Variants in ZNF18 observed in about 807,000 individuals in gnomAD.
ZNF18 encodes the protein heart development-specific gene 1 protein.
ZNF18 carries 42 observed loss-of-function variants against 58.1 expected under a neutral mutation model. The observed-to-expected ratio is 0.72, with a 90% confidence interval of 0.56 to 0.93. The LOEUF (loss-of-function observed/expected upper bound fraction) is 0.93, where lower values mean the gene tolerates loss of function less well. ZNF18 is among the 40% of genes least tolerant of loss of function. The pLI is 0.00. For missense variants in ZNF18, 540 were observed against 644.2 expected (o/e 0.84, Z 1.75); for synonymous variants, 231 against 239.8 (o/e 0.96, Z 0.34).
upstream of ZNF18, among the ~76,000 whole-genome samples, chr17:12,000,218 C>T (rs754078764): frequency 1.4e-4 from 21 of 152,040 alleles, no homozygotes; most frequent in Non-Finnish European, 2.4e-4. Context: ...ACCAGGCCCA[C>T]CCATAAACGT....
At chr17:12,000,792 T>C (rs911368836), upstream of ZNF18, among the ~76,000 whole-genome samples, 1 of 152,106 alleles carries the variant, frequency 6.6e-6, no homozygotes, top group African/African-American at 2.4e-5. Context: ...GGATTAAGAA[T>C]TGACTGAGCA....
Position 11,992,156 on chromosome 17 carries a change from C to T in ZNF18, c.387+287G>A, listed in dbSNP as rs1968167994. Among the ~76,000 whole-genome samples, 4 of 152,156 alleles carry T rather than the reference C, an allele frequency of 2.6e-5. No individual in the cohort carries two copies. In the South Asian group the frequency reaches 8.3e-4, roughly 31 times the overall value. On this transcript the variant is annotated intron_variant, in intron 2 of 6. Transcript: ENST00000580306. ...AACTTGAAGAGAAGACTGTGGGAAC[C>T]TCCGAATTTATAGCCAATTTGTCAG...
intron 6 of ZNF18, among the ~76,000 whole-genome samples, chr17:11,980,878 A>G (rs1332250522): frequency 1.3e-5 from 2 of 152,180 alleles, no homozygotes; most frequent in Non-Finnish European, 2.9e-5. Flanking sequence ...ACATTCATGA[A>G]ACATTCTTCT....
In ZNF18 at chr17:11,990,996, T is replaced by C; in HGVS notation, c.555A>G (p.Glu185=). ...CACCTAGTTCTGCTTCTGTGTCAGA[T>C]TCCTCTTTCACGATGTGGCTCAGAA... The part of the protein sequence containing the change: ...GELLSHIVKE[E]SDTEAELALA... The change falls in exon 3 of 7, where the codon GAA becomes GAG. Residue 185 remains glutamate (E), a synonymous_variant. Transcript: ENST00000580306. The C allele has an allele frequency of 6.2e-7, 1 of 1,614,078 alleles. No homozygotes were observed. The highest frequency in any genetic ancestry group is 8.5e-7 in the Non-Finnish European group (1 of 1,179,988).
At chr17:12,021,031 GC>G in the ZNF18 span, 1 of 1,174,930 alleles carries the variant, frequency 8.5e-7, no homozygotes. Context: ...CGAGATCCCA[GC>G]CCCCTAGCGC....
At chr17:11,991,536 A>T (rs1347779606) in intron 2 of ZNF18, among the ~76,000 whole-genome samples, 1 of 152,318 alleles carries the variant, frequency 6.6e-6, no homozygotes, top group East Asian at 1.9e-4. Context: ...AGAGTCAGAG[A>T]GTGTTAGAAT....
Position 11,984,152 on chromosome 17 carries a change from C to T in ZNF18, c.712G>A (p.Asp238Asn). The change falls in exon 5 of 7, where the codon GAT (aspartate) becomes AAT (asparagine). Residue 238 changes from aspartate to asparagine, a missense_variant. Physicochemically the swap from Asp to Asn is conservative, Grantham distance 23 (BLOSUM62 1). Transcript: ENST00000580306. ...TTCCCATAGGTCTCCAGCATGAGAT[C>T]CCAGTATTGCTCCTTTTGAGTGGAA... ...LDSTQKEQYW[D>N]LMLETYGKMV... 6.2e-7 allele frequency: 1 copy of T among 1,613,266 alleles called. No homozygotes were observed.
At chr17:11,992,116 TCTAA>T (rs528780501) in intron 2 of ZNF18, among the ~76,000 whole-genome samples, 59 of 152,286 alleles carry the variant, frequency 3.9e-4, no homozygotes, top group African/African-American at 1.4e-3. Flanking sequence ...TGTAAGTCAT[TCTAA>T]CTAATTATCA....
the ZNF18 span, among the ~76,000 whole-genome samples, chr17:12,014,565 A>G: frequency 6.6e-6 from 1 of 152,244 alleles, no homozygotes; most frequent in East Asian, 1.9e-4. Context: ...GTATGATTCC[A>G]TTTGTATGAA....
In ZNF18 at chr17:11,981,530, C is replaced by CT. The variant is rs34496641; in HGVS notation, c.862+1766dup. The stretch of plus-strand genomic sequence containing the variant: ...TTGTAGAGACAGGAACCTATAATAG[C>CT]TTTTTTTTTTTTTTTTTTTGCCTAT... On this transcript the variant is annotated intron_variant, in intron 6 of 6. Coordinates refer to ENST00000580306, the MANE Select transcript of ZNF18 (RefSeq NM_001303281.2). Among the ~76,000 whole-genome samples, 223 of 93,466 alleles carry CT rather than the reference C, an allele frequency of 2.4e-3. 4 individuals carry two copies. The East Asian group carries it at 0.027, about 11-fold the overall frequency. The allele number at this position is 93,466 out of a possible 152,430, so 61.3% of individuals were successfully genotyped here.
rs536097859 is a variant in ZNF18, at chr17:11,994,721, A to C, written c.-82-1810T>G. ...CCAGGCGTGGTGGCGGGCGCCTGTG[A>C]TCCCAGCTACTCGGGAGGCTGAGGC... is the stretch of plus-strand genomic sequence containing the variant. On this transcript the variant is annotated intron_variant, in intron 1 of 6. Coordinates refer to ENST00000580306, the MANE Select transcript of ZNF18 (RefSeq NM_001303281.2). 2.6e-5 allele frequency among the ~76,000 whole-genome samples: 4 copies of C among 152,174 alleles called. No homozygotes were observed. The South Asian group carries it at 8.3e-4, about 32-fold the overall frequency.
rs991153891 is a variant in ZNF18, at chr17:11,977,694, C to A, written c.*263G>T. 1 of 367,092 alleles carries A rather than the reference C, an allele frequency of 2.7e-6. No individual in the cohort carries two copies. 22.7% of individuals were successfully genotyped at this position (367,092 alleles called of 1,614,324 possible). On this transcript the variant is annotated 3_prime_UTR_variant, in exon 7 of 7. Coordinates refer to ENST00000580306, the MANE Select transcript of ZNF18 (RefSeq NM_001303281.2). ...ACTGGATCTCCAATTTAGACTTTTT[C>A]CCCGATGGGTCCAAAGGAAGGATGA...
upstream of ZNF18, among the ~76,000 whole-genome samples, chr17:12,001,832 AAAAT>A (rs1419184154): frequency 6.6e-6 from 1 of 152,096 alleles, no homozygotes; most frequent in African/African-American, 2.4e-5. Context: ...ATTAAAACTA[AAAAT>A]AAATTTTTAA....
intron 1 of ZNF18, among the ~76,000 whole-genome samples, chr17:11,994,774 G>C (rs536624458): frequency 2.0e-5 from 3 of 152,182 alleles, no homozygotes; most frequent in African/African-American, 4.8e-5. Flanking sequence ...CTGGGAGGCA[G>C]AGCTTGCAGT....
chr17:12,007,018 A>G, the ZNF18 span, among the ~76,000 whole-genome samples: 125 of 152,258 alleles, frequency 8.2e-4, 3 homozygotes, highest in East Asian at 0.022. Context: ...TGTTAGGCCA[A>G]TGTTTACTGT....
At chr17:11,989,251 G>C (rs1967947652) in intron 4 of ZNF18, among the ~76,000 whole-genome samples, 1 of 152,126 alleles carries the variant, frequency 6.6e-6, no homozygotes, top group Non-Finnish European at 1.5e-5. Flanking sequence ...TTTGAGCCCG[G>C]GAGGTCAAGG....
At chr17:11,984,223 A>T in intron 4 of ZNF18, 26 bp from the exon 5 acceptor site, 1 of 1,577,290 alleles carries the variant, frequency 6.3e-7, no homozygotes, top group Non-Finnish European at 8.6e-7. Context: ...AAAAAGCAAT[A>T]CAATACCATG....
intron 2 of ZNF18, 93 bp from the exon 3 acceptor site, chr17:11,991,256 A>C: frequency 1.8e-6 from 2 of 1,139,246 alleles, no homozygotes; most frequent in South Asian, 1.8e-5. Flanking sequence ...AGATCATAAG[A>C]CAATTTCTAA....
At chr17:11,993,815 C>T (rs1287645192) in intron 1 of ZNF18, among the ~76,000 whole-genome samples, 1 of 86,656 alleles carries the variant, frequency 1.2e-5, no homozygotes, top group Non-Finnish European at 2.1e-5. Flanking sequence ...CAGAGAGAGA[C>T]TCCGTCTCAC....
Sources: allele counts gnomAD v4.1 joint callset (sites outside exome capture counted in the v4.1 genomes callset), GRCh38; gene constraint gnomAD v4.1.1; transcripts MANE v1.5; gene names NCBI Gene and HGNC (gene_info 2026-07-23, HGNC 2026-07-21).